Variants in IGF1 observed in about 807,000 individuals in gnomAD.
IGF1 encodes the protein insulin-like growth factor 1.
In IGF1, 4 loss-of-function variants were observed where a neutral mutation model predicts 13.8. The observed-to-expected ratio is 0.29, with a 90% CI of 0.14 to 0.66. The LOEUF (loss-of-function observed/expected upper bound fraction) is 0.66, where lower values mean the gene tolerates loss of function less well. IGF1 is among the 30% of genes least tolerant of loss of function. The pLI, the probability that IGF1 is intolerant of heterozygous loss-of-function variation, is 0.78. For synonymous variants in IGF1, 76 were observed against 72.6 expected, an observed-to-expected ratio of 1.05 and a Z score of -0.23; for missense variants, 124 against 188.5, an observed-to-expected ratio of 0.66 and a Z score of 2.00.
At position 102,419,721 on chromosome 12, in the gene IGF1, T is replaced by C. The variant is rs1335196760; in HGVS notation, c.221-31A>G. 3 of 1,606,644 alleles carry C rather than the reference T, an allele frequency of 1.9e-6. No individual in the cohort carries two copies. The East Asian group carries it at 6.7e-5, about 36-fold the overall frequency. Reference sequence around the variant, plus strand: ...CAAATCAAACAGAGTGGCCTCATGTTAGGGTGCAATCTGCTTTCTTCAGTC... The same window carrying C: ...CAAATCAAACAGAGTGGCCTCATGTCAGGGTGCAATCTGCTTTCTTCAGTC... On this transcript the variant is annotated intron_variant, in intron 2 of 3. Coordinates refer to ENST00000337514, the MANE Select transcript of IGF1 (RefSeq NM_000618.5).
At chr12:102,439,752 T>C (rs895533753) in intron 2 of IGF1, among the ~76,000 whole-genome samples, 6 of 141,490 alleles carry the variant, frequency 4.2e-5, no homozygotes, top group African/African-American at 1.0e-4. Flanking sequence ...GGGTGGAAAA[T>C]GAAGTTAAGA....
intron 2 of IGF1, among the ~76,000 whole-genome samples, chr12:102,431,872 TC>T (rs1876771903): frequency 6.6e-6 from 1 of 152,172 alleles, no homozygotes; most frequent in Admixed American, 6.5e-5. Context: ...TCTGTGCACT[TC>T]CGCAGTTTAG....
intron 2 of IGF1, among the ~76,000 whole-genome samples, chr12:102,437,676 C>T (rs921747352): frequency 6.6e-6 from 1 of 152,092 alleles, no homozygotes; most frequent in Admixed American, 6.6e-5. Context: ...TACAGTTAGA[C>T]AAGAGGAATA....
In IGF1 at chr12:102,468,758, C is replaced by T. The variant is rs193162229; in HGVS notation, c.220+6885G>A. On this transcript the variant is annotated intron_variant, in intron 2 of 3. Coordinates refer to ENST00000337514, the MANE Select transcript of IGF1 (RefSeq NM_000618.5). ...CCAGGGCGGCAGCTCAATGCGAAAACGATTTTTTGCCACCATGGGTTGTCA... is the reference window on the plus strand; with the variant it reads ...CCAGGGCGGCAGCTCAATGCGAAAATGATTTTTTGCCACCATGGGTTGTCA... Among the ~76,000 whole-genome samples the T allele has an allele frequency of 2.2e-4, 33 of 152,278 alleles. No individual in the cohort carries two copies. In the East Asian group the frequency reaches 2.9e-3, roughly 13 times the overall value.
chr12:102,474,737 G>A (rs1031608592), intron 2 of IGF1, among the ~76,000 whole-genome samples: 1 of 152,170 alleles, frequency 6.6e-6, no homozygotes. Flanking sequence ...TAAGGAACAA[G>A]CATCTGGCTT....
intron 2 of IGF1, among the ~76,000 whole-genome samples, chr12:102,445,728 T>A (rs2137116790): frequency 6.6e-6 from 1 of 152,322 alleles, no homozygotes; most frequent in Admixed American, 6.5e-5. Context: ...AACTATTTCT[T>A]TCTCTTTCCT....
intron 2 of IGF1, among the ~76,000 whole-genome samples, chr12:102,437,183 G>A (rs899879637): frequency 2.0e-5 from 3 of 152,234 alleles, no homozygotes; most frequent in African/African-American, 7.2e-5. Flanking sequence ...GCATCCCCAG[G>A]GCTGGCTGGT....
rs375975467 is a variant in IGF1, at chr12:102,440,717, C to G, written c.221-21027G>C. Among the ~76,000 whole-genome samples the G allele has an allele frequency of 2.6e-5, 4 of 152,158 alleles. No homozygotes were observed. The East Asian group carries it at 7.7e-4, about 29-fold the overall frequency. On this transcript the variant is annotated intron_variant, in intron 2 of 3. Coordinates refer to ENST00000337514, the MANE Select transcript of IGF1 (RefSeq NM_000618.5). ...CAGTAGAATTTCTGGCAGCATTATTCAACTTGAGTGAACAAGGATAGGTCA... is the reference window on the plus strand; with the variant it reads ...CAGTAGAATTTCTGGCAGCATTATTGAACTTGAGTGAACAAGGATAGGTCA...
At chr12:102,440,901 G>T (rs930682400) in intron 2 of IGF1, among the ~76,000 whole-genome samples, 8 of 152,164 alleles carry the variant, frequency 5.3e-5, no homozygotes, top group Non-Finnish European at 1.0e-4. Context: ...CTGGTCTAAA[G>T]GAATGAGTTT....
rs1875536408 is a variant in IGF1 at position 102,419,779 on chromosome 12, G to A, written c.221-89C>T. The A allele has an allele frequency of 4.0e-6, 5 of 1,265,114 alleles. No homozygotes were observed. The East Asian group carries it at 1.2e-4, about 30-fold the overall frequency. 78.4% of individuals were successfully genotyped at this position (1,265,114 alleles called of 1,614,324 possible). ...CAGCTCCTGCCTCTCCCCACAGCTAGTCAACCTACATATTCTGCAATGTCT... is the reference window on the plus strand; with the variant it reads ...CAGCTCCTGCCTCTCCCCACAGCTAATCAACCTACATATTCTGCAATGTCT... On this transcript the variant is annotated intron_variant, in intron 2 of 3. Coordinates refer to ENST00000337514, the MANE Select transcript of IGF1 (RefSeq NM_000618.5).
Position 102,454,257 on chromosome 12 carries a change from A to T in IGF1, c.220+21386T>A, listed in dbSNP as rs1399199819. Among the ~76,000 whole-genome samples the T allele has an allele frequency of 3.3e-5, 5 of 152,206 alleles. No individual in the cohort carries two copies. The East Asian group carries it at 7.7e-4, about 23-fold the overall frequency. On this transcript the variant is annotated intron_variant, in intron 2 of 3. Transcript: ENST00000337514. ...TCCAGAGAAACATGAGTACTCTCAC[A>T]GCACTTCACAGGCATCATGGCAAGG...
intron 2 of IGF1, among the ~76,000 whole-genome samples, chr12:102,420,194 G>A (rs1875577504): frequency 1.3e-5 from 2 of 152,154 alleles, no homozygotes; most frequent in South Asian, 4.1e-4. Flanking sequence ...TTACTAATGT[G>A]AAAACTGAGA....
intron 3 of IGF1, among the ~76,000 whole-genome samples, chr12:102,409,032 A>G (rs1874411673): frequency 6.6e-6 from 1 of 152,134 alleles, no homozygotes; most frequent in Admixed American, 6.5e-5. Flanking sequence ...TCTCCCACAC[A>G]GTAGTCGTGT....
intron 2 of IGF1, among the ~76,000 whole-genome samples, chr12:102,452,060 A>T (rs1372929974): frequency 6.6e-6 from 1 of 152,072 alleles, no homozygotes; most frequent in Non-Finnish European, 1.5e-5. Flanking sequence ...TAGAAGATCA[A>T]GACCATCCTG....
At chr12:102,474,989 C>A (rs532117252) in intron 2 of IGF1, among the ~76,000 whole-genome samples, 1 of 152,028 alleles carries the variant, frequency 6.6e-6, no homozygotes, top group Non-Finnish European at 1.5e-5. Flanking sequence ...TGATGGGTCC[C>A]GGAGAAGAAC....
chr12:102,469,612 CTT>C (rs1183202270), intron 2 of IGF1, among the ~76,000 whole-genome samples: 3 of 152,168 alleles, frequency 2.0e-5, no homozygotes, highest in Non-Finnish European at 4.4e-5. Flanking sequence ...TCTCATGCCT[CTT>C]TTCAAGAAAG....
chr12:102,416,466 C>A (rs1283202991), intron 3 of IGF1, among the ~76,000 whole-genome samples: 1 of 152,230 alleles, frequency 6.6e-6, no homozygotes, highest in African/African-American at 2.4e-5. Flanking sequence ...TTTCTGCCCT[C>A]TCTTTTCCTT....
At chr12:102,463,236 C>T (rs192360498) in intron 2 of IGF1, 14 of 152,152 alleles carry the variant, frequency 9.2e-5, no homozygotes, top group Non-Finnish European at 1.9e-4. Context: ...TTTCTTCATT[C>T]CGTGAGTCAC....
At chr12:102,431,628 A>C (rs1315753397) in intron 2 of IGF1, among the ~76,000 whole-genome samples, 1 of 152,178 alleles carries the variant, frequency 6.6e-6, no homozygotes, top group Non-Finnish European at 1.5e-5. Flanking sequence ...TTACTCGGGA[A>C]CACCTTGAAA....
Sources: gnomAD v4.1 joint callset for allele counts (sites outside exome capture counted in the v4.1 genomes callset) on GRCh38, gnomAD v4.1.1 for gene constraint, MANE v1.5 for transcripts, NCBI Gene and HGNC (gene_info 2026-07-23, HGNC 2026-07-21) for gene names.